Variants in MUSK observed in about 807,000 individuals in gnomAD.
MUSK encodes muscle, skeletal receptor tyrosine-protein kinase.
A neutral mutation model predicts 88.7 loss-of-function variants in MUSK; 55 were observed. That is an observed-to-expected ratio of 0.62 (90% CI 0.50 to 0.78). MUSK has a LOEUF of 0.78. Ranked by LOEUF, MUSK falls within the 30% of genes least tolerant of loss-of-function variation. MUSK has a pLI of 0.00. For synonymous variants in MUSK, 387 were observed against 391.9 expected, an observed-to-expected ratio of 0.99 and a Z score of 0.15; for missense variants, 1,015 against 1,074.3, an observed-to-expected ratio of 0.94 and a Z score of 0.77.
At chr9:110,677,700 G>A (rs2076049365) in intron 1 of MUSK, among the ~76,000 whole-genome samples, 1 of 152,174 alleles carries the variant, frequency 6.6e-6, no homozygotes, top group Admixed American at 6.5e-5. Context: ...GTGAATGTGT[G>A]TGAATGTATT....
chr9:110,732,136 T>C (rs1021090190), intron 5 of MUSK, among the ~76,000 whole-genome samples: 3 of 152,242 alleles, frequency 2.0e-5, no homozygotes, highest in East Asian at 1.9e-4. Flanking sequence ...TAGAACAGTT[T>C]TCTAGCACAT....
intron 8 of MUSK, among the ~76,000 whole-genome samples, chr9:110,763,889 C>T (rs936003696): frequency 2.0e-5 from 3 of 152,032 alleles, no homozygotes; most frequent in Admixed American, 1.3e-4. Context: ...GTGATTCATG[C>T]GTTTCAAAGT....
chr9:110,678,850 A>G (rs1464473121), intron 1 of MUSK, among the ~76,000 whole-genome samples: 1 of 149,998 alleles, frequency 6.7e-6, no homozygotes. Flanking sequence ...TACTACATAT[A>G]TAATTATATT....
At position 110,687,277 on chromosome 9, in the gene MUSK, G is replaced by T; in HGVS notation, c.358+9G>T. On this transcript the variant is annotated intron_variant, in intron 3 of 14. Transcript: ENST00000374448. Reference sequence around the variant, plus strand: ...CCTGCAAGTGAAGATGAGTGAGTGGGAAACAGATTCGTCTATTGATTTGAA... The same window carrying T: ...CCTGCAAGTGAAGATGAGTGAGTGGTAAACAGATTCGTCTATTGATTTGAA... The T allele has an allele frequency of 6.2e-7, 1 of 1,613,290 alleles. No homozygotes were observed.
At position 110,803,632 on chromosome 9, in the gene MUSK, A is replaced by C. The variant is rs2078124546; in HGVS notation, c.*2644A>C. ...TTAACTTCCTAAGTCTTTTTAATGA[A>C]TAGCAAAAAAAGTATATTTCAGCAT... On this transcript the variant is annotated 3_prime_UTR_variant, in exon 15 of 15. Coordinates refer to ENST00000374448, the MANE Select transcript of MUSK (RefSeq NM_005592.4). Among the ~76,000 whole-genome samples, 1 of 152,242 alleles carries C rather than the reference A, an allele frequency of 6.6e-6. No individual in the cohort carries two copies. The highest frequency in any genetic ancestry group is 2.4e-5 in the African/African-American group (1 of 41,470).
chr9:110,725,755 C>T (rs1422234488), intron 5 of MUSK, among the ~76,000 whole-genome samples: 1 of 151,912 alleles, frequency 6.6e-6, no homozygotes, highest in East Asian at 1.9e-4. Flanking sequence ...GCCCTAACCT[C>T]CCTAAAGAAG....
rs2078128913 is a variant in MUSK at position 110,804,078 on chromosome 9, G to C, written c.*3090G>C. On this transcript the variant is annotated 3_prime_UTR_variant, in exon 15 of 15. Transcript: ENST00000374448. ...TTCTTTTCATTTTACAGTATATTACGAACCTGTTCCACGTCATTAAATATT... is the reference window on the plus strand; with the variant it reads ...TTCTTTTCATTTTACAGTATATTACCAACCTGTTCCACGTCATTAAATATT... Among the ~76,000 whole-genome samples, 1 of 152,078 alleles carries C rather than the reference G, an allele frequency of 6.6e-6. No individual in the cohort carries two copies. The highest frequency in any genetic ancestry group is 6.5e-5 in the Admixed American group (1 of 15,278).
At chr9:110,690,416 AAATATAAATATATATTTC>A (rs1187751814) in intron 3 of MUSK, among the ~76,000 whole-genome samples, 39 of 59,952 alleles carry the variant, frequency 6.5e-4, no homozygotes, top group African/African-American at 3.0e-3. Context: ...ATATATATTT[AAATATAAATATATATTTC>A]AATATAAGTA....
chr9:110,672,649 GT>G (rs2075974160), intron 1 of MUSK, among the ~76,000 whole-genome samples: 1 of 151,856 alleles, frequency 6.6e-6, no homozygotes, highest in African/African-American at 2.4e-5. Context: ...ACCCCAAAGT[GT>G]TTTGTTGTAC....
At chr9:110,744,236 G>A (rs981121405) in intron 6 of MUSK, among the ~76,000 whole-genome samples, 12 of 152,160 alleles carry the variant, frequency 7.9e-5, no homozygotes, top group Non-Finnish European at 5.9e-5. Context: ...CAAAGCGCTG[G>A]GATTACAGGC....
At chr9:110,730,949 G>T (rs1435385319) in intron 5 of MUSK, among the ~76,000 whole-genome samples, 1 of 151,928 alleles carries the variant, frequency 6.6e-6, no homozygotes, top group Non-Finnish European at 1.5e-5. Context: ...CCCTGACCTG[G>T]TAAACTTACT....
At chr9:110,742,833 G>C (rs192569778) in intron 6 of MUSK, among the ~76,000 whole-genome samples, 1 of 152,218 alleles carries the variant, frequency 6.6e-6, no homozygotes, top group Non-Finnish European at 1.5e-5. Flanking sequence ...CAGAGAGTGT[G>C]TGCTGCTCTT....
At chr9:110,694,494 A>G (rs1267961710) in intron 3 of MUSK, among the ~76,000 whole-genome samples, 3 of 151,878 alleles carry the variant, frequency 2.0e-5, no homozygotes, top group Non-Finnish European at 4.4e-5. Context: ...TCTCCCTCAC[A>G]TTGAAGTAGA....
At chr9:110,692,200 C>T (rs1270344539) in intron 3 of MUSK, among the ~76,000 whole-genome samples, 2 of 152,028 alleles carry the variant, frequency 1.3e-5, no homozygotes, top group Admixed American at 1.3e-4. Flanking sequence ...CACTCTGTAA[C>T]TCAGGCTGTA....
Position 110,762,185 on chromosome 9 carries a change from T to C in MUSK, c.914-17T>C. 1 of 1,443,308 alleles carries C rather than the reference T, an allele frequency of 6.9e-7. No homozygotes were observed. Among genetic ancestry groups the C allele is most frequent in the African/African-American group, 1.4e-5 (1 of 70,010 alleles). The allele number at this position is 1,443,308 out of a possible 1,614,324, so 89.4% of individuals were successfully genotyped here. ...TTTAATTTGACTTCCTGTGGGAACT[T>C]CCTTTCCTGTTAATAGAATGGAGGT... On this transcript the variant is annotated splice_polypyrimidine_tract_variant and intron_variant, in intron 7 of 14. Coordinates refer to ENST00000374448, the MANE Select transcript of MUSK (RefSeq NM_005592.4).
intron 11 of MUSK, among the ~76,000 whole-genome samples, chr9:110,778,247 A>G (rs2077700067): frequency 1.3e-5 from 2 of 152,070 alleles, no homozygotes; most frequent in African/African-American, 4.8e-5. Flanking sequence ...GGCTGAAGTG[A>G]AACATCTTTT....
At chr9:110,689,356 A>G (rs2076253219) in intron 3 of MUSK, among the ~76,000 whole-genome samples, 2 of 118,620 alleles carry the variant, frequency 1.7e-5, no homozygotes, top group African/African-American at 7.0e-5. Flanking sequence ...ATAAATATAT[A>G]TAAATACATA....
intron 7 of MUSK, among the ~76,000 whole-genome samples, chr9:110,758,758 A>G (rs1022949835): frequency 6.6e-6 from 1 of 152,194 alleles, no homozygotes; most frequent in Non-Finnish European, 1.5e-5. Flanking sequence ...AAGTCAGTAA[A>G]TTCCTATATA....
chr9:110,742,403 C>T (rs1363964624), intron 6 of MUSK, among the ~76,000 whole-genome samples: 1 of 152,064 alleles, frequency 6.6e-6, no homozygotes, highest in Non-Finnish European at 1.5e-5. Context: ...TTACAGTGAG[C>T]CAAGATTGCG....
Sources: gnomAD v4.1 joint callset for allele counts (sites outside exome capture counted in the v4.1 genomes callset) on GRCh38, gnomAD v4.1.1 for gene constraint, MANE v1.5 for transcripts, NCBI Gene and HGNC (gene_info 2026-07-23, HGNC 2026-07-21) for gene names.